The following SNF8 variants were observed in gnomAD, a reference collection of about 807,000 sequenced individuals.
SNF8 encodes the protein SNF8 subunit of ESCRT-II, also known as vacuolar-sorting protein SNF8.
SNF8 carries 19 observed loss-of-function variants against 36.8 expected under a neutral mutation model. The ratio of observed to expected loss-of-function variants is 0.52; its 90% CI spans 0.36 to 0.76. The LOEUF (loss-of-function observed/expected upper bound fraction) is 0.76, where lower values mean the gene tolerates loss of function less well. Ranked by LOEUF, SNF8 falls within the 30% of genes least tolerant of loss-of-function variation. The pLI is 0.00. For synonymous variants in SNF8, 127 were observed against 127.4 expected (o/e 1.00, Z 0.02); for missense variants, 268 against 322.9 (o/e 0.83, Z 1.30).
intron 3 of SNF8, among the ~76,000 whole-genome samples, chr17:48,939,878 C>G (rs761212429): frequency 5.9e-5 from 9 of 151,724 alleles, no homozygotes; most frequent in Admixed American, 1.3e-4. Flanking sequence ...AGTTGAAGAC[C>G]AAACTGGGCA....
chr17:48,937,958 A>AT (rs2040960771), intron 3 of SNF8, among the ~76,000 whole-genome samples: 2 of 150,780 alleles, frequency 1.3e-5, no homozygotes, highest in African/African-American at 4.9e-5. Context: ...AAATAAATAA[A>AT]AATTTAAAAA....
chr17:48,930,636 C>G (rs1252170477), intron 7 of SNF8, 24 bp from the exon 8 acceptor site: 7 of 1,609,606 alleles, frequency 4.3e-6, no homozygotes, highest in Non-Finnish European at 5.9e-6. Flanking sequence ...GGAAGAAGAG[C>G]AGTTTGAGAA....
intron 5 of SNF8, among the ~76,000 whole-genome samples, chr17:48,935,510 C>T (rs1316740404): frequency 9.0e-6 from 1 of 111,000 alleles, no homozygotes; most frequent in East Asian, 2.4e-4. Context: ...GAGACTCTGT[C>T]TCAAAAAAAA....
chr17:48,942,592 C>G (rs1000756022), intron 2 of SNF8, among the ~76,000 whole-genome samples: 2 of 152,142 alleles, frequency 1.3e-5, no homozygotes, highest in East Asian at 1.9e-4. Context: ...CTGCACCCCC[C>G]ATCACTCACA....
At position 48,944,813 on chromosome 17, in the gene SNF8, A is replaced by C; in HGVS notation, c.-79T>G. ...CCCGGACTCCGCCGCCGGCTCCCCA[A>C]GGCGGAAGCCCGAGCCGCGCGTCAT... On this transcript the variant is annotated 5_prime_UTR_variant, in exon 1 of 8. Transcript: ENST00000502492. 1 of 1,441,678 alleles carries C rather than the reference A, an allele frequency of 6.9e-7. No individual in the cohort carries two copies. The highest frequency in any genetic ancestry group is 9.0e-7 in the Non-Finnish European group (1 of 1,109,178). 89.3% of individuals were successfully genotyped at this position (1,441,678 alleles called of 1,614,324 possible).
At chr17:48,939,558 C>G (rs1345274302) in intron 3 of SNF8, among the ~76,000 whole-genome samples, 1 of 148,474 alleles carries the variant, frequency 6.7e-6, no homozygotes, top group East Asian at 2.1e-4. Context: ...CTCCCGGGTT[C>G]AAGTGATTTT....
intron 2 of SNF8, among the ~76,000 whole-genome samples, chr17:48,941,444 C>T (rs1210603830): frequency 6.6e-6 from 1 of 152,050 alleles, no homozygotes; most frequent in South Asian, 2.1e-4. Context: ...TGAAGATGTA[C>T]CTAATAATTC....
rs199516410 is a variant in SNF8, at chr17:48,942,337, C to CA, written c.106-1276dup. Among the ~76,000 whole-genome samples, 778 of 113,324 alleles carry CA rather than the reference C, an allele frequency of 6.9e-3. 6 individuals carry two copies. Among genetic ancestry groups the CA allele is most frequent in the East Asian group, 0.014 (56 of 3,874 alleles). The allele number at this position is 113,324 out of a possible 152,430, so 74.3% of individuals were successfully genotyped here. A position where few individuals can be genotyped will look rare whatever the true frequency, so the allele number is the denominator to read the frequency against. On this transcript the variant is annotated intron_variant, in intron 2 of 7. Coordinates refer to ENST00000502492, the MANE Select transcript of SNF8 (RefSeq NM_007241.4). The stretch of plus-strand genomic sequence containing the variant: ...GGGCAACAAGAGCGAAACTTGGTCT[C>CA]AAAAAAAAAAAAAAAAGAAACCTCC...
intron 2 of SNF8, among the ~76,000 whole-genome samples, chr17:48,942,059 C>G (rs1342407313): frequency 6.6e-6 from 1 of 152,052 alleles, no homozygotes; most frequent in Non-Finnish European, 1.5e-5. Context: ...CCCTGGGGAT[C>G]AACTCCAGAT....
chr17:48,939,908 C>A (rs1438728758), intron 3 of SNF8, among the ~76,000 whole-genome samples: 1 of 151,374 alleles, frequency 6.6e-6, no homozygotes. Flanking sequence ...AACCTCCTCT[C>A]TACAAAAAAT....
At chr17:48,938,214 A>T (rs1388518932) in intron 3 of SNF8, among the ~76,000 whole-genome samples, 2 of 152,074 alleles carry the variant, frequency 1.3e-5, no homozygotes, top group Non-Finnish European at 2.9e-5. Context: ...TGAAAAATGC[A>T]GGTTGGGCGC....
In SNF8 at chr17:48,936,175, G is replaced by A; in HGVS notation, c.417C>T (p.Val139=). The change falls in exon 5 of 8, where the codon GTC becomes GTT. Residue 139 remains valine (V), a synonymous_variant. Coordinates refer to ENST00000502492, the MANE Select transcript of SNF8 (RefSeq NM_007241.4). ...GATTGGAAGACAAGACCTACTGACT[G>A]ACATCCTGGGCGAACTTGCCCCTTC... is the stretch of plus-strand genomic sequence containing the variant. ...LKGRGKFAQD[V]SQDDLIRAIK... 6.2e-7 allele frequency: 1 copy of A among 1,612,934 alleles called. No individual in the cohort carries two copies. The highest frequency in any genetic ancestry group is 8.5e-7 in the Non-Finnish European group (1 of 1,178,976).
At chr17:48,937,306 C>G in intron 3 of SNF8, 182 bp from the exon 4 acceptor site, 1 of 697,322 alleles carries the variant, frequency 1.4e-6, no homozygotes, top group Non-Finnish European at 2.6e-6. Context: ...AGAACAGGGT[C>G]AGACGGCTCC....
Position 48,941,006 on chromosome 17 carries a change from G to T in SNF8, c.162C>A (p.His54Gln). 2 of 1,613,844 alleles carry T rather than the reference G, an allele frequency of 1.2e-6. No individual in the cohort carries two copies. The highest frequency in any genetic ancestry group is 1.7e-6 in the Non-Finnish European group (2 of 1,180,030). The change falls in exon 3 of 8, where the codon CAC (histidine) becomes CAA (glutamine). Residue 54 changes from histidine (H) to glutamine (Q), a missense_variant. His to Gln is a conservative substitution (Grantham distance 24). Coordinates refer to ENST00000502492, the MANE Select transcript of SNF8 (RefSeq NM_007241.4). ...CAGGATTCTTCCGGATCTCCTGCTT[G>T]TGTTTGCTGGCAAATTCCTCCAGGT... is the stretch of plus-strand genomic sequence containing the variant. Reference protein sequence around the residue: ...KTNLEEFASKHKQEIRKNPEF... With the variant: ...KTNLEEFASKQKQEIRKNPEF...
At chr17:48,937,988 T>C (rs903040953) in intron 3 of SNF8, among the ~76,000 whole-genome samples, 1 of 151,972 alleles carries the variant, frequency 6.6e-6, no homozygotes, top group African/African-American at 2.4e-5. Flanking sequence ...AAGTCATTTC[T>C]ATTTGGCTAA....
intron 7 of SNF8, 56 bp from the exon 8 acceptor site, chr17:48,930,668 G>A (rs2040845227): frequency 6.4e-7 from 1 of 1,554,330 alleles, no homozygotes; most frequent in Non-Finnish European, 8.7e-7. Flanking sequence ...CATAGACAAA[G>A]GGTAGGTAAG....
chr17:48,936,979 AG>A (rs765521924), intron 4 of SNF8, 40 bp downstream of exon 4: 1 of 1,386,420 alleles, frequency 7.2e-7, no homozygotes, highest in Admixed American at 1.7e-5. Context: ...TCCCTCTCAG[AG>A]AAGTCCAGAG....
At chr17:48,939,587 G>T (rs1359610791) in intron 3 of SNF8, among the ~76,000 whole-genome samples, 1 of 150,938 alleles carries the variant, frequency 6.6e-6, no homozygotes, top group Non-Finnish European at 1.5e-5. Context: ...AGCCTCCCGA[G>T]TAGCTGGGAT....
At chr17:48,934,532 A>T (rs976914313) in intron 5 of SNF8, 1 of 185,622 alleles carries the variant, frequency 5.4e-6, no homozygotes, top group Non-Finnish European at 1.2e-5. Context: ...TGAACCCAGG[A>T]GGCGGAGGTT....
Sources: allele counts gnomAD v4.1 joint callset (sites outside exome capture counted in the v4.1 genomes callset), GRCh38; gene constraint gnomAD v4.1.1; transcripts MANE v1.5; gene names NCBI Gene and HGNC (gene_info 2026-07-23, HGNC 2026-07-21).